PADI3: variants seen among roughly 807,000 people sequenced by gnomAD.
The protein encoded by PADI3 is protein-arginine deiminase type-3.
PADI3 carries 53 observed loss-of-function variants against 71.5 expected under a neutral mutation model. The ratio of observed to expected loss-of-function variants is 0.74; its 90% CI spans 0.59 to 0.93. The LOEUF is 0.93. Among genes scored for constraint, PADI3 ranks in the 40% least tolerant of loss-of-function variants. The pLI is 0.00. For missense variants in PADI3, 821 were observed against 868.0 expected, an observed-to-expected ratio of 0.95 and a Z score of 0.68; for synonymous variants, 361 against 347.5, an observed-to-expected ratio of 1.04 and a Z score of -0.43.
rs1199005327 is a variant in PADI3, at chr1:17,266,783, A to G, written c.473A>G (p.Asp158Gly). The G allele has an allele frequency of 1.9e-6, 3 of 1,614,082 alleles. No homozygotes were observed. The highest frequency in any genetic ancestry group is 2.5e-6 in the Non-Finnish European group (3 of 1,180,000). The change falls in exon 5 of 16, where the codon GAT becomes GGT. Residue 158 changes from aspartate to glycine, a missense_variant. Physicochemically the swap from Asp to Gly is moderately conservative, Grantham distance 94 (BLOSUM62 -1). Coordinates refer to ENST00000375460, the MANE Select transcript of PADI3 (RefSeq NM_016233.2). ...TTGCTGGTGAACTGTGACCGTGATGATCCGAGCTGTGATGTCCAGGACAAT... is the reference window on the plus strand; with the variant it reads ...TTGCTGGTGAACTGTGACCGTGATGGTCCGAGCTGTGATGTCCAGGACAAT... ...GILLVNCDRD[D>G]PSCDVQDNCD... is the part of the protein sequence containing the mutation.
chr1:17,268,498 CTTTTTTTTTTTTT>C (rs564947321), intron 6 of PADI3, among the ~76,000 whole-genome samples: 2 of 89,446 alleles, frequency 2.2e-5, no homozygotes, highest in Non-Finnish European at 2.1e-5. Flanking sequence ...TAATAAGATG[CTTTTTTTTTTTTT>C]TTTTTTTTTT....
intron 9 of PADI3, 100 bp from the exon 10 acceptor site, chr1:17,273,240 G>A: frequency 1.2e-6 from 1 of 837,124 alleles, no homozygotes; most frequent in Non-Finnish European, 1.9e-6. Flanking sequence ...TGGGCCAGGG[G>A]ACTTGGTGAG....
Position 17,283,074 on chromosome 1 carries a change from C to T in PADI3, c.1990C>T (p.Pro664Ser), listed in dbSNP as rs2073421371. 4 of 1,612,794 alleles carry T rather than the reference C, an allele frequency of 2.5e-6. No individual in the cohort carries two copies. Among genetic ancestry groups the T allele is most frequent in the Middle Eastern group, 1.7e-4 (1 of 6,056 alleles). Residue 664 changes from proline to serine, a missense_variant, in exon 16 of 16, where the codon CCC becomes TCC. Transcript: ENST00000375460. Reference sequence around the variant, plus strand: ...CTCTTTCAAGTGGTGGAACATGGTGCCCTGAGACAGCTCCCACCCACCATC... The same window carrying T: ...CTCTTTCAAGTGGTGGAACATGGTGTCCTGAGACAGCTCCCACCCACCATC... ...PFSFKWWNMVP is the reference protein window; with the variant it reads ...PFSFKWWNMVS
intron 1 of PADI3, among the ~76,000 whole-genome samples, chr1:17,254,709 G>A (rs2073006813): frequency 6.7e-6 from 1 of 148,512 alleles, no homozygotes. Context: ...GAGGGACCAG[G>A]CTCCAGCATT....
chr1:17,278,727 C>G (rs2073365252), intron 13 of PADI3, among the ~76,000 whole-genome samples: 1 of 151,960 alleles, frequency 6.6e-6, no homozygotes, highest in African/African-American at 2.4e-5. Flanking sequence ...GGGCAAAGAC[C>G]CTTTGACACG....
rs765212821 is a variant in PADI3 at position 17,270,216 on chromosome 1, C to G, written c.653-17C>G. 4 of 1,600,372 alleles carry G rather than the reference C, an allele frequency of 2.5e-6. No individual in the cohort carries two copies. The highest frequency in any genetic ancestry group is 3.4e-6 in the Non-Finnish European group (4 of 1,172,228). ...GGCCCACAGGGAGTCACAGCCACCCCGTCCCTCCCCTTCCAGGTCCTGAGG... is the reference window on the plus strand; with the variant it reads ...GGCCCACAGGGAGTCACAGCCACCCGGTCCCTCCCCTTCCAGGTCCTGAGG... On this transcript the variant is annotated splice_polypyrimidine_tract_variant and intron_variant, in intron 6 of 15. Coordinates refer to ENST00000375460, the MANE Select transcript of PADI3 (RefSeq NM_016233.2).
intron 1 of PADI3, among the ~76,000 whole-genome samples, chr1:17,252,679 C>T (rs2072980989): frequency 6.6e-6 from 1 of 152,176 alleles, no homozygotes; most frequent in Admixed American, 6.5e-5. Flanking sequence ...GTTGGGATTA[C>T]AGGTGAGAGC....
At chr1:17,261,836 C>A (rs1219092027) in intron 2 of PADI3, among the ~76,000 whole-genome samples, 1 of 152,168 alleles carries the variant, frequency 6.6e-6, no homozygotes, top group Non-Finnish European at 1.5e-5. Context: ...CCAGCCCAAA[C>A]CCTTTATTTT....
chr1:17,259,723 A>G lies in PADI3; in HGVS notation c.238A>G (p.Met80Val). Residue 80 changes from methionine to valine, a missense_variant, in exon 2 of 16, where the codon ATG (methionine) becomes GTG (valine). Met to Val is a conservative substitution (Grantham distance 21). Transcript: ENST00000375460. ...FDATLEIIVVMNSPSNDLNDS... is the reference protein window; with the variant it reads ...FDATLEIIVVVNSPSNDLNDS... ...CGCGACTTTGGAGATCATCGTGGTC[A>G]TGAACTCCCCCAGCAATGACCTCAA... 6.2e-7 allele frequency: 1 copy of G among 1,612,090 alleles called. No homozygotes were observed. The highest frequency in any genetic ancestry group is 8.5e-7 in the Non-Finnish European group (1 of 1,178,626).
chr1:17,257,448 G>A (rs1181465755), intron 1 of PADI3, among the ~76,000 whole-genome samples: 3 of 152,186 alleles, frequency 2.0e-5, no homozygotes, highest in Non-Finnish European at 4.4e-5. Context: ...AATACTTCAC[G>A]GGAGTACCAA....
intron 3 of PADI3, among the ~76,000 whole-genome samples, chr1:17,264,784 G>A (rs2073144511): frequency 6.6e-6 from 1 of 152,118 alleles, no homozygotes; most frequent in Non-Finnish European, 1.5e-5. Context: ...GCTGGGGTGG[G>A]TGGATCACTT....
intron 10 of PADI3, among the ~76,000 whole-genome samples, chr1:17,273,839 G>T (rs2073289063): frequency 6.6e-6 from 1 of 152,128 alleles, no homozygotes; most frequent in Non-Finnish European, 1.5e-5. Context: ...TACATGCTGT[G>T]TGATGTTGCG....
rs7520753 is a variant in PADI3, at chr1:17,259,807, G to C, written c.273+49G>C. 3.1e-3 allele frequency: 4,721 copies of C among 1,512,790 alleles called. 86 individuals carry two copies. The African/African-American group carries it at 0.052, about 17-fold the overall frequency. The allele number at this position is 1,512,790 out of a possible 1,614,324, so 93.7% of individuals were successfully genotyped here. On this transcript the variant is annotated intron_variant, in intron 2 of 15. Coordinates refer to ENST00000375460, the MANE Select transcript of PADI3 (RefSeq NM_016233.2). Reference sequence around the variant, plus strand: ...GGGAGAGGTTTCGAGGGAGGCAGCTGTCTAGCTCTAGGAGGGCCCAACATT... The same window carrying C: ...GGGAGAGGTTTCGAGGGAGGCAGCTCTCTAGCTCTAGGAGGGCCCAACATT...
intron 7 of PADI3, 31 bp from the exon 8 acceptor site, chr1:17,270,848 G>A (rs765610543): frequency 1.2e-5 from 18 of 1,542,662 alleles, no homozygotes; most frequent in Non-Finnish European, 1.5e-5. Flanking sequence ...TCCAAGTCCA[G>A]TGCTCTTTCT....
chr1:17,272,793 C>T (rs971934291), intron 9 of PADI3, among the ~76,000 whole-genome samples: 3 of 152,174 alleles, frequency 2.0e-5, no homozygotes, highest in African/African-American at 4.8e-5. Flanking sequence ...CCACCGTGCC[C>T]GGACTGGATA....
In PADI3 at chr1:17,259,586, C is replaced by T. The variant is rs1287942834; in HGVS notation, c.101C>T (p.Pro34Leu). Reference protein sequence around the residue: ...ETLVDIYGSVPEGTEMFEVYG... With the variant: ...ETLVDIYGSVLEGTEMFEVYG... ...CTCTCTGCCCTGCCCAGGTCAGTGC[C>T]TGAGGGCACAGAAATGTTTGAGGTC... is the stretch of plus-strand genomic sequence containing the variant. The change falls in exon 2 of 16, where the codon CCT becomes CTT. Residue 34 changes from proline to leucine, a missense_variant. Transcript: ENST00000375460. 15 of 1,607,492 alleles carry T rather than the reference C, an allele frequency of 9.3e-6. No individual in the cohort carries two copies. The South Asian group carries it at 1.7e-4, about 18-fold the overall frequency.
At chr1:17,265,798 C>T in intron 4 of PADI3, 78 bp downstream of exon 4, 1 of 1,269,068 alleles carries the variant, frequency 7.9e-7, no homozygotes, top group Admixed American at 1.7e-5. Flanking sequence ...AGGATGAGGC[C>T]ATTACAGATA....
At chr1:17,261,313 C>T (rs965317383) in intron 2 of PADI3, among the ~76,000 whole-genome samples, 9 of 152,198 alleles carry the variant, frequency 5.9e-5, no homozygotes, top group Non-Finnish European at 1.3e-4. Flanking sequence ...CGCTGTGGGC[C>T]GGGCACCGAG....
Position 17,268,491 on chromosome 1 carries a change from T to C in PADI3, c.652+529T>C, listed in dbSNP as rs1356252654. Among the ~76,000 whole-genome samples the C allele has an allele frequency of 1.2e-4, 17 of 140,134 alleles. 1 individual carries two copies. In the Admixed American group the frequency reaches 1.2e-3, roughly 10 times the overall value. The allele number at this position is 140,134 out of a possible 152,430, so 91.9% of individuals were successfully genotyped here. A position where few individuals can be genotyped will look rare whatever the true frequency, so the allele number is the denominator to read the frequency against. On this transcript the variant is annotated intron_variant, in intron 6 of 15. Transcript: ENST00000375460. Reference sequence around the variant, plus strand: ...AGAAACTAAAAATGTATACAAGTAATAAGATGCTTTTTTTTTTTTTTTTTT... The same window carrying C: ...AGAAACTAAAAATGTATACAAGTAACAAGATGCTTTTTTTTTTTTTTTTTT...
Sources: gnomAD v4.1 joint callset for allele counts (sites outside exome capture counted in the v4.1 genomes callset) on GRCh38, gnomAD v4.1.1 for gene constraint, MANE v1.5 for transcripts, NCBI Gene and HGNC (gene_info 2026-07-23, HGNC 2026-07-21) for gene names.